The following SUGP1 variants were observed in gnomAD, a reference collection of about 807,000 sequenced individuals.
SUGP1 encodes the protein SURP and G-patch domain containing 1.
A neutral mutation model predicts 76.5 loss-of-function variants in SUGP1; 34 were observed. The observed-to-expected ratio is 0.44, with a 90% CI of 0.34 to 0.59. SUGP1 has a LOEUF of 0.59. Ranked by LOEUF, SUGP1 falls within the 20% of genes least tolerant of loss-of-function variation. The pLI is 0.01. For synonymous variants in SUGP1, 326 were observed against 326.2 expected (o/e 1.00, Z 0.01); for missense variants, 752 against 851.7 (o/e 0.88, Z 1.46).
chr19:19,277,260 G>C (rs1001541635), intron 12 of SUGP1, among the ~76,000 whole-genome samples, 184 bp from the exon 13 acceptor site: 3 of 150,660 alleles, frequency 2.0e-5, no homozygotes, highest in Admixed American at 6.6e-5. Context: ...GCGGGGGGGG[G>C]GGGCCTAGGC....
chr19:19,318,481 T>C (rs1030668887), intron 1 of SUGP1, among the ~76,000 whole-genome samples: 1 of 151,922 alleles, frequency 6.6e-6, no homozygotes, highest in Admixed American at 6.6e-5. Flanking sequence ...CAGGCAGGAG[T>C]GCAGTTGCAT....
chr19:19,305,779 G>T, intron 4 of SUGP1, 70 bp downstream of exon 4: 1 of 1,483,600 alleles, frequency 6.7e-7, no homozygotes, highest in Non-Finnish European at 9.1e-7. Flanking sequence ...CACTTGCCCT[G>T]CCCACCACAG....
At chr19:19,316,363 T>G (rs2061393951) in intron 2 of SUGP1, 59 bp downstream of exon 2, 2 of 1,597,042 alleles carry the variant, frequency 1.3e-6, no homozygotes, top group Non-Finnish European at 1.7e-6. Context: ...CCAAACCCTG[T>G]GCTGGTGACC....
intron 2 of SUGP1, among the ~76,000 whole-genome samples, chr19:19,315,890 G>A (rs1425276432): frequency 6.6e-6 from 1 of 151,038 alleles, no homozygotes; most frequent in African/African-American, 2.4e-5. Context: ...AGTGTACAGT[G>A]GCACGATCTC....
At chr19:19,303,599 T>C in intron 5 of SUGP1, 125 bp downstream of exon 5, 2 of 1,401,112 alleles carry the variant, frequency 1.4e-6, no homozygotes, top group South Asian at 2.4e-5. Flanking sequence ...TTGTCACTTC[T>C]GGTGAGAATC....
intron 2 of SUGP1, among the ~76,000 whole-genome samples, chr19:19,313,416 G>C (rs555772883): frequency 3.3e-5 from 5 of 151,916 alleles, no homozygotes; most frequent in Admixed American, 2.0e-4. Context: ...AAAATTGTTA[G>C]ACAAACACAT....
Position 19,287,813 on chromosome 19 carries a change from TAGA to T in SUGP1, c.1244-7525_1244-7523del, listed in dbSNP as rs574782408. ...GGGCACTGGAACTAAGTGTAAATGG[TAGA>T]AGAAGGAATAATACTGTATATAAAC... On this transcript the variant is annotated intron_variant, in intron 8 of 13. Transcript: ENST00000247001. Among the ~76,000 whole-genome samples the T allele has an allele frequency of 1.1e-4, 17 of 152,248 alleles. No individual in the cohort carries two copies. In the South Asian group the frequency reaches 3.5e-3, roughly 32 times the overall value.
intron 8 of SUGP1, among the ~76,000 whole-genome samples, chr19:19,284,061 C>T (rs1599847224): frequency 6.6e-6 from 1 of 152,176 alleles, no homozygotes; most frequent in Non-Finnish European, 1.5e-5. Context: ...TTGCATATTG[C>T]GGTAAAGAGA....
intron 8 of SUGP1, among the ~76,000 whole-genome samples, chr19:19,286,112 A>T (rs1213522992): frequency 1.3e-5 from 2 of 152,200 alleles, no homozygotes; most frequent in African/African-American, 4.8e-5. Context: ...GACAACAAAA[A>T]TTCTTTTTCT....
intron 3 of SUGP1, 25 bp from the exon 4 acceptor site, chr19:19,306,101 C>A: frequency 6.6e-7 from 1 of 1,519,912 alleles, no homozygotes; most frequent in African/African-American, 1.4e-5. Context: ...AGGATATGCG[C>A]ACTCGGGATC....
intron 3 of SUGP1, among the ~76,000 whole-genome samples, chr19:19,308,003 G>A (rs1217092434): frequency 2.0e-5 from 3 of 152,040 alleles, no homozygotes; most frequent in East Asian, 1.9e-4. Context: ...AAGTATCAAA[G>A]GCAAAATGTT....
chr19:19,277,251 CGG>C (rs3214183), intron 12 of SUGP1, among the ~76,000 whole-genome samples, 175 bp from the exon 13 acceptor site: 6 of 96,880 alleles, frequency 6.2e-5, no homozygotes, highest in Admixed American at 2.0e-4. Flanking sequence ...CCGGGGCGGG[CGG>C]GGGGGGGGGG....
At chr19:19,284,185 C>T (rs888889055) in intron 8 of SUGP1, among the ~76,000 whole-genome samples, 23 of 152,154 alleles carry the variant, frequency 1.5e-4, no homozygotes, top group African/African-American at 5.6e-4. Context: ...GTCCCAGCTA[C>T]TCGGGAGGCT....
At chr19:19,291,186 T>C (rs1011873880) in intron 8 of SUGP1, among the ~76,000 whole-genome samples, 1 of 152,120 alleles carries the variant, frequency 6.6e-6, no homozygotes, top group Non-Finnish European at 1.5e-5. Context: ...TACACCTTAG[T>C]GAGCTAGAAA....
chr19:19,292,527 C>A (rs1485877226), intron 8 of SUGP1, among the ~76,000 whole-genome samples: 2 of 151,862 alleles, frequency 1.3e-5, no homozygotes, highest in Non-Finnish European at 2.9e-5. Context: ...CATGGTGAAA[C>A]CCTGTCTCTA....
At chr19:19,278,610 T>C (rs2061072508) in intron 11 of SUGP1, 80 bp downstream of exon 11, 2 of 1,285,142 alleles carry the variant, frequency 1.6e-6, no homozygotes, top group African/African-American at 1.5e-5. Flanking sequence ...CCAGGCTACT[T>C]TGGGCACCTG....
intron 10 of SUGP1, 32 bp from the exon 11 acceptor site, chr19:19,278,828 G>C (rs1818501265): frequency 6.3e-7 from 1 of 1,596,266 alleles, no homozygotes; most frequent in East Asian, 2.3e-5. Flanking sequence ...TGAGAAGAGG[G>C]AGAAGCAGGA....
At chr19:19,310,250 GA>G in intron 2 of SUGP1, 50 bp from the exon 3 acceptor site, 2 of 1,369,082 alleles carry the variant, frequency 1.5e-6, no homozygotes, top group Non-Finnish European at 2.1e-6. Context: ...GAGATGGAGT[GA>G]GGGCACCAGA....
chr19:19,299,143 T>C (rs532339681), intron 7 of SUGP1, among the ~76,000 whole-genome samples: 12 of 152,324 alleles, frequency 7.9e-5, no homozygotes, highest in Non-Finnish European at 1.5e-4. Context: ...GCTGTGATCC[T>C]ATACATATCC....
Sources: allele counts gnomAD v4.1 joint callset (sites outside exome capture counted in the v4.1 genomes callset), GRCh38; gene constraint gnomAD v4.1.1; transcripts MANE v1.5; gene names NCBI Gene and HGNC (gene_info 2026-07-23, HGNC 2026-07-21).